Variants in PRIM2 observed in about 807,000 individuals in gnomAD.
PRIM2 encodes the protein DNA primase subunit 2.
PRIM2 carries 39 observed loss-of-function variants against 67.3 expected under a neutral mutation model. That is an observed-to-expected ratio of 0.58 (90% CI 0.45 to 0.76). The LOEUF (loss-of-function observed/expected upper bound fraction) is 0.76. Ranked by LOEUF, PRIM2 falls within the 30% of genes least tolerant of loss-of-function variation. The pLI, the probability that PRIM2 is intolerant of heterozygous loss-of-function variation, is 0.00. For synonymous variants in PRIM2, 143 were observed against 198.7 expected, an observed-to-expected ratio of 0.72 and a Z score of 2.36; for missense variants, 398 against 598.7, an observed-to-expected ratio of 0.66 and a Z score of 3.50.
At chr6:57,385,145 T>C (rs1770097211) in intron 7 of PRIM2, among the ~76,000 whole-genome samples, 1 of 152,148 alleles carries the variant, frequency 6.6e-6, no homozygotes, top group African/African-American at 2.4e-5. Flanking sequence ...ACTTTCTGGG[T>C]AGAAGTGGGG....
chr6:57,279,844 A>T, the PRIM2 span, among the ~76,000 whole-genome samples: 6 of 152,210 alleles, frequency 3.9e-5, no homozygotes, highest in African/African-American at 1.4e-4. Flanking sequence ...GAGAGGAGGC[A>T]GGGAAGTCCT....
At chr6:57,498,193 A>T (rs1261548101) in intron 7 of PRIM2, among the ~76,000 whole-genome samples, 1 of 152,122 alleles carries the variant, frequency 6.6e-6, no homozygotes, top group Non-Finnish European at 1.5e-5. Flanking sequence ...TTTTAAAAAA[A>T]ATTTTCCTGA....
intron 8 of PRIM2, among the ~76,000 whole-genome samples, chr6:57,521,367 GT>G (rs1163114437): frequency 0.19 from 18,328 of 97,598 alleles, 1,518 homozygotes; most frequent in African/African-American, 0.2. Context: ...TGTGGTTAGG[GT>G]TTTTTTTTTT....
the PRIM2 span, among the ~76,000 whole-genome samples, chr6:57,283,017 G>A: frequency 6.6e-6 from 1 of 150,428 alleles, no homozygotes; most frequent in Admixed American, 6.6e-5. Context: ...ATCATTAATT[G>A]TTTTGCTTTT....
At chr6:57,564,656 C>T (rs1382203844) in intron 10 of PRIM2, among the ~76,000 whole-genome samples, 1 of 152,040 alleles carries the variant, frequency 6.6e-6, no homozygotes, top group Non-Finnish European at 1.5e-5. Flanking sequence ...AGGCTACCAG[C>T]CCCTATTTTG....
intron 7 of PRIM2, among the ~76,000 whole-genome samples, chr6:57,458,236 C>G (rs1772874152): frequency 6.6e-6 from 1 of 152,140 alleles, no homozygotes; most frequent in Non-Finnish European, 1.5e-5. Context: ...TAATTTGAAG[C>G]ATTGCAGAAA....
chr6:57,551,016 G>A lies in PRIM2; in HGVS notation c.1020+13391G>A, dbSNP rs1163553049. 3.9e-5 allele frequency among the ~76,000 whole-genome samples: 6 copies of A among 152,206 alleles called. No homozygotes were observed. The East Asian group carries it at 1.2e-3, about 29-fold the overall frequency. ...GTTGTGTGTTTGTCACCCATCTTTT[G>A]CCTGTAAATCTTTGTTGAATTTATT... On this transcript the variant is annotated intron_variant, in intron 10 of 13. Coordinates refer to ENST00000615550, the MANE Select transcript of PRIM2 (RefSeq NM_000947.5).
the PRIM2 span, among the ~76,000 whole-genome samples, chr6:57,302,767 G>C: frequency 1.3e-5 from 2 of 152,188 alleles, no homozygotes; most frequent in Non-Finnish European, 2.9e-5. Context: ...TCAGTCATAA[G>C]AGTCCATTAT....
At chr6:57,284,617 C>T in the PRIM2 span, among the ~76,000 whole-genome samples, 57 of 152,126 alleles carry the variant, frequency 3.7e-4, no homozygotes, top group Middle Eastern at 3.4e-3. Flanking sequence ...CCAGAAACAA[C>T]GCAAAATAAA....
intron 10 of PRIM2, among the ~76,000 whole-genome samples, chr6:57,573,652 A>G (rs1775905071): frequency 6.6e-6 from 1 of 152,182 alleles, no homozygotes; most frequent in African/African-American, 2.4e-5. Flanking sequence ...TTCAGGAGAA[A>G]AGTTGTTTCA....
chr6:57,458,595 G>A (rs569032419), intron 7 of PRIM2, among the ~76,000 whole-genome samples: 4 of 152,284 alleles, frequency 2.6e-5, no homozygotes, highest in South Asian at 2.1e-4. Context: ...TGAGGAAGGC[G>A]AATTCCTTGA....
intron 10 of PRIM2, among the ~76,000 whole-genome samples, chr6:57,564,372 C>T (rs1474840481): frequency 6.6e-6 from 1 of 152,148 alleles, no homozygotes; most frequent in Non-Finnish European, 1.5e-5. Context: ...TGTATGTGTT[C>T]CTTTCTCTTT....
At chr6:57,555,480 A>C (rs1359432252) in intron 10 of PRIM2, among the ~76,000 whole-genome samples, 2 of 152,148 alleles carry the variant, frequency 1.3e-5, no homozygotes, top group Non-Finnish European at 2.9e-5. Flanking sequence ...GAGTTTTACT[A>C]TGTTGGCCAG....
chr6:57,606,496 G>A, intron 12 of PRIM2, 39 bp downstream of exon 12: 1 of 1,495,282 alleles, frequency 6.7e-7, no homozygotes, highest in Non-Finnish European at 9.2e-7. Flanking sequence ...CAGTAACGAG[G>A]CCTTAGATAG....
At chr6:57,284,291 C>A in the PRIM2 span, among the ~76,000 whole-genome samples, 1 of 152,184 alleles carries the variant, frequency 6.6e-6, no homozygotes, top group African/African-American at 2.4e-5. Flanking sequence ...CACTTCACTA[C>A]AATTGCCAAG....
In PRIM2 at chr6:57,343,091, C is replaced by T. The variant is rs200777256; in HGVS notation, c.459+17046C>T. On this transcript the variant is annotated intron_variant, in intron 5 of 13. Coordinates refer to ENST00000615550, the MANE Select transcript of PRIM2 (RefSeq NM_000947.5). The stretch of plus-strand genomic sequence containing the variant: ...GGCTTTTCTCCAGTTAACATTGGAA[C>T]ATTGAGTTTACGTTGATTTAATAGT... Among the ~76,000 whole-genome samples the T allele has an allele frequency of 8.5e-5, 13 of 152,232 alleles. No homozygotes were observed. The South Asian group carries it at 2.7e-3, about 32-fold the overall frequency.
chr6:57,314,697 T>A (rs1472467051), upstream of PRIM2: 2 of 152,338 alleles, frequency 1.3e-5, no homozygotes, highest in African/African-American at 4.8e-5. Flanking sequence ...TTCCTTCCCA[T>A]GATTGTGAGG....
intron 7 of PRIM2, among the ~76,000 whole-genome samples, chr6:57,445,312 G>T (rs1010548680): frequency 6.6e-6 from 1 of 152,154 alleles, no homozygotes; most frequent in Non-Finnish European, 1.5e-5. Context: ...AGGGGTGTGT[G>T]TGTGTGTATA....
chr6:57,344,470 T>C (rs1303832551), intron 5 of PRIM2, among the ~76,000 whole-genome samples: 1 of 151,580 alleles, frequency 6.6e-6, no homozygotes, highest in Non-Finnish European at 1.5e-5. Context: ...AGTTTATGAT[T>C]TAGAAAGAGC....
Sources: gnomAD v4.1 joint callset for allele counts (sites outside exome capture counted in the v4.1 genomes callset) on GRCh38, gnomAD v4.1.1 for gene constraint, MANE v1.5 for transcripts, NCBI Gene and HGNC (gene_info 2026-07-23, HGNC 2026-07-21) for gene names.